The following CPHXL2 variants were observed in gnomAD, a reference collection of about 807,000 sequenced individuals.
The protein encoded by CPHXL2 is cytoplasmic polyadenylated homeobox-like protein 2.
At chr16:75,661,046 A>G in the CPHXL2 span, 1 of 400,674 alleles carries the variant, frequency 2.5e-6, no homozygotes, top group African/African-American at 2.1e-5. Context: ...GTTTCTCCAG[A>G]AGGGAGCAAC....
chr16:75,662,356 G>A, the CPHXL2 span, among the ~76,000 whole-genome samples: 3 of 141,628 alleles, frequency 2.1e-5, no homozygotes, highest in Non-Finnish European at 4.5e-5. Flanking sequence ...TTTTTTTAAC[G>A]GAGGCTTCAT....
chr16:75,676,115 G>A, the CPHXL2 span, among the ~76,000 whole-genome samples: 1 of 152,016 alleles, frequency 6.6e-6, no homozygotes, highest in Non-Finnish European at 1.5e-5. Context: ...CACACAGTGA[G>A]CTTACGTTAC....
chr16:75,676,912 C>T, the CPHXL2 span: 2 of 398,412 alleles, frequency 5.0e-6, no homozygotes, highest in South Asian at 2.6e-4. Context: ...AGTTGAAACC[C>T]TACAAAACCC....
chr16:75,674,822 G>A, the CPHXL2 span, among the ~76,000 whole-genome samples: 3 of 151,658 alleles, frequency 2.0e-5, no homozygotes, highest in South Asian at 6.2e-4. Flanking sequence ...CGATTCTCCT[G>A]CCTCAGATTC....
the CPHXL2 span, among the ~76,000 whole-genome samples, chr16:75,674,141 A>AG: frequency 6.6e-6 from 1 of 151,754 alleles, no homozygotes; most frequent in Non-Finnish European, 1.5e-5. Context: ...TGGGAGGCCA[A>AG]GGGGGGTGGA....
the CPHXL2 span, among the ~76,000 whole-genome samples, chr16:75,668,715 T>C: frequency 6.6e-6 from 1 of 152,178 alleles, no homozygotes; most frequent in East Asian, 1.9e-4. Flanking sequence ...ATAACACAAA[T>C]GCTACATAAG....
chr16:75,665,736 G>A, the CPHXL2 span, among the ~76,000 whole-genome samples: 76 of 152,230 alleles, frequency 5.0e-4, no homozygotes, highest in African/African-American at 1.3e-3. Flanking sequence ...GGTGGCAGGC[G>A]TCTGTAATCC....
chr16:75,672,924 A>G, the CPHXL2 span, among the ~76,000 whole-genome samples: 5 of 151,932 alleles, frequency 3.3e-5, no homozygotes, highest in Non-Finnish European at 5.9e-5. Context: ...AAAAAAGCAA[A>G]AAACAAATTA....
the CPHXL2 span, among the ~76,000 whole-genome samples, chr16:75,667,256 G>T: frequency 6.7e-6 from 1 of 149,120 alleles, no homozygotes; most frequent in Non-Finnish European, 1.5e-5. Context: ...AGGTTGCAGT[G>T]AGCTGAGGTC....
At chr16:75,663,010 C>T in the CPHXL2 span, among the ~76,000 whole-genome samples, 335 of 152,220 alleles carry the variant, frequency 2.2e-3, no homozygotes, top group African/African-American at 7.5e-3. Flanking sequence ...CCGTGTTAGC[C>T]AGGATAGTCT....
the CPHXL2 span, among the ~76,000 whole-genome samples, chr16:75,666,885 C>G: frequency 6.6e-6 from 1 of 152,168 alleles, no homozygotes; most frequent in Non-Finnish European, 1.5e-5. Flanking sequence ...AGGACTCTCT[C>G]AGACCACAGT....
At chr16:75,665,199 T>G in the CPHXL2 span, among the ~76,000 whole-genome samples, 2 of 152,114 alleles carry the variant, frequency 1.3e-5, no homozygotes, top group Non-Finnish European at 2.9e-5. Flanking sequence ...CGTCTAAAAT[T>G]AAGATGAAGG....
the CPHXL2 span, among the ~76,000 whole-genome samples, chr16:75,664,092 C>T: frequency 6.6e-6 from 1 of 152,140 alleles, no homozygotes; most frequent in Non-Finnish European, 1.5e-5. Flanking sequence ...TCTGAATCTG[C>T]CTATGACTTG....
At chr16:75,674,788 C>T in the CPHXL2 span, among the ~76,000 whole-genome samples, 1 of 151,784 alleles carries the variant, frequency 6.6e-6, no homozygotes, top group African/African-American at 2.4e-5. Flanking sequence ...CGGCTCACTG[C>T]AACCTCTGCC....
At chr16:75,668,470 G>A in the CPHXL2 span, among the ~76,000 whole-genome samples, 29 of 152,014 alleles carry the variant, frequency 1.9e-4, no homozygotes, top group African/African-American at 6.8e-4. Flanking sequence ...CTCGTGATTC[G>A]CCCACTGTGG....
chr16:75,669,728 C>G, the CPHXL2 span, among the ~76,000 whole-genome samples: 1 of 152,198 alleles, frequency 6.6e-6, no homozygotes, highest in African/African-American at 2.4e-5. Flanking sequence ...TTGGCTAACT[C>G]TAGGCCTATG....
the CPHXL2 span, among the ~76,000 whole-genome samples, chr16:75,673,997 TAAAA>T: frequency 9.4e-6 from 1 of 106,548 alleles, no homozygotes; most frequent in African/African-American, 3.4e-5. Context: ...AAAAAAAAGA[TAAAA>T]AAAAAAGATA....
the CPHXL2 span, among the ~76,000 whole-genome samples, chr16:75,667,137 C>A: frequency 6.6e-6 from 1 of 151,662 alleles, no homozygotes; most frequent in Non-Finnish European, 1.5e-5. Flanking sequence ...TATGGTGAAA[C>A]CCTGCCTCTA....
At chr16:75,668,197 TTCTCTC>T in the CPHXL2 span, among the ~76,000 whole-genome samples, 1 of 143,570 alleles carries the variant, frequency 7.0e-6, no homozygotes, top group African/African-American at 2.7e-5. Flanking sequence ...TACTGCTTAA[TTCTCTC>T]TCTCTCTCTC....
Sources: gnomAD v4.1 joint callset for allele counts (sites outside exome capture counted in the v4.1 genomes callset) on GRCh38, gnomAD v4.1.1 for gene constraint, MANE v1.5 for transcripts, NCBI Gene and HGNC (gene_info 2026-07-23, HGNC 2026-07-21) for gene names.